CUL5: variants seen among roughly 807,000 people sequenced by gnomAD.
CUL5 encodes the protein cullin 5, also known as cullin-5.
A neutral mutation model predicts 108.8 loss-of-function variants in CUL5; 26 were observed. The ratio of observed to expected loss-of-function variants is 0.24; its 90% confidence interval spans 0.18 to 0.33. The LOEUF (loss-of-function observed/expected upper bound fraction) is 0.33, where lower values mean the gene tolerates loss of function less well. CUL5 is among the 10% of genes least tolerant of loss of function. CUL5 has a pLI of 1.00. For synonymous variants in CUL5, 334 were observed against 298.0 expected (o/e 1.12, Z -1.25); for missense variants, 524 against 909.2 (o/e 0.58, Z 5.45).
At position 108,042,311 on chromosome 11, in the gene CUL5, C is replaced by T. The variant is rs1254523289; in HGVS notation, c.135-3959C>T. On this transcript the variant is annotated intron_variant, in intron 2 of 18. Coordinates refer to ENST00000393094, the MANE Select transcript of CUL5 (RefSeq NM_003478.6). The stretch of plus-strand genomic sequence containing the variant: ...CTCGGCTCACTGCAACCTCCACCCC[C>T]GGGTTCAAGCAATTCTCATGCCTCA... Among the ~76,000 whole-genome samples the T allele has an allele frequency of 4.6e-5, 7 of 151,018 alleles. No individual in the cohort carries two copies. In the East Asian group the frequency reaches 5.9e-4, roughly 13 times the overall value.
chr11:108,063,721 A>G (rs1056187368), intron 7 of CUL5, among the ~76,000 whole-genome samples: 9 of 152,066 alleles, frequency 5.9e-5, no homozygotes, highest in Non-Finnish European at 8.8e-5. Flanking sequence ...CTTTCTTCCT[A>G]TGCTCATTTC....
At chr11:108,016,751 A>G (rs1184774946) in intron 1 of CUL5, among the ~76,000 whole-genome samples, 2 of 152,184 alleles carry the variant, frequency 1.3e-5, no homozygotes, top group Non-Finnish European at 2.9e-5. Context: ...GCTTGAGGCC[A>G]GGAGTTTGAT....
chr11:108,099,052 TA>T (rs1163125464), intron 18 of CUL5, among the ~76,000 whole-genome samples: 2 of 146,044 alleles, frequency 1.4e-5, no homozygotes, highest in African/African-American at 5.0e-5. Context: ...TTGCCCAGGC[TA>T]GAGTGCAGTG....
Position 108,105,986 on chromosome 11 carries a change from A to G in CUL5, c.*1602A>G, listed in dbSNP as rs1170802775. 2 of 152,178 alleles carry G rather than the reference A, an allele frequency of 1.3e-5. No homozygotes were observed. The highest frequency in any genetic ancestry group is 2.9e-5 in the Non-Finnish European group (2 of 68,010). 9.4% of individuals were successfully genotyped at this position (152,178 alleles called of 1,614,324 possible). On this transcript the variant is annotated 3_prime_UTR_variant, in exon 19 of 19. Transcript: ENST00000393094. ...TAAAACATTTAGAGTTTTGCTGAGT[A>G]TAGCCAAATGCCTGTTCTGAAACTT... is the stretch of plus-strand genomic sequence containing the variant.
rs1367069335 is a variant in CUL5 at position 108,102,924 on chromosome 11, T to C, written c.2149-1266T>C. Among the ~76,000 whole-genome samples the C allele has an allele frequency of 2.0e-5, 3 of 151,890 alleles. No homozygotes were observed. In the East Asian group the frequency reaches 5.9e-4, roughly 30 times the overall value. On this transcript the variant is annotated intron_variant, in intron 18 of 18. Coordinates refer to ENST00000393094, the MANE Select transcript of CUL5 (RefSeq NM_003478.6). ...AATCCTCTTTCTTCAGCCTCCTGAA[T>C]AGCGGGGACCACAGACACACGCCAC...
chr11:108,067,455 A>G (rs1407512350), intron 7 of CUL5, among the ~76,000 whole-genome samples: 1 of 131,708 alleles, frequency 7.6e-6, no homozygotes, highest in Admixed American at 8.6e-5. Context: ...TTATTTGTAC[A>G]TATCTGAAAC....
chr11:108,031,500 T>C (rs1862583254), intron 1 of CUL5, among the ~76,000 whole-genome samples: 1 of 152,232 alleles, frequency 6.6e-6, no homozygotes, highest in African/African-American at 2.4e-5. Context: ...CTGGTTTTAC[T>C]TTTCTGCATA....
intron 4 of CUL5, among the ~76,000 whole-genome samples, chr11:108,051,311 C>T (rs1480688988): frequency 6.6e-6 from 1 of 152,140 alleles, no homozygotes; most frequent in Non-Finnish European, 1.5e-5. Context: ...AAGCAGCATC[C>T]ACTTAGTGAT....
At position 108,009,252 on chromosome 11, in the gene CUL5, G is replaced by T; in HGVS notation, c.-97G>T. 1 of 1,384,060 alleles carries T rather than the reference G, an allele frequency of 7.2e-7. No individual in the cohort carries two copies. Among genetic ancestry groups the T allele is most frequent in the Non-Finnish European group, 1.0e-6 (1 of 982,026 alleles). 85.7% of individuals were successfully genotyped at this position (1,384,060 alleles called of 1,614,324 possible). ...ACCACACCCTGGTGCGGGCCGACGG[G>T]CCCTGGGCCCTGGTGGGAGCTCCGG... On this transcript the variant is annotated 5_prime_UTR_variant, in exon 1 of 19. Transcript: ENST00000393094.
intron 1 of CUL5, among the ~76,000 whole-genome samples, chr11:108,024,668 C>G (rs1443245236): frequency 6.6e-6 from 1 of 152,084 alleles, no homozygotes; most frequent in Non-Finnish European, 1.5e-5. Flanking sequence ...GATATTCAAA[C>G]CATTCGTGGA....
chr11:108,075,446 T>C (rs976266698), intron 10 of CUL5, among the ~76,000 whole-genome samples: 1 of 152,130 alleles, frequency 6.6e-6, no homozygotes, highest in Non-Finnish European at 1.5e-5. Flanking sequence ...CAGATACTAA[T>C]AGTGGGAAAA....
At position 108,067,012 on chromosome 11, in the gene CUL5, T is replaced by C. The variant is rs560957807; in HGVS notation, c.781-3084T>C. 2.0e-5 allele frequency among the ~76,000 whole-genome samples: 3 copies of C among 152,328 alleles called. No homozygotes were observed. The South Asian group carries it at 6.2e-4, about 32-fold the overall frequency. Reference sequence around the variant, plus strand: ...GCCATCACTAAGTATGTACATGCTCTACTTCTGTAGTAAGAAAAGTTGGAG... The same window carrying C: ...GCCATCACTAAGTATGTACATGCTCCACTTCTGTAGTAAGAAAAGTTGGAG... On this transcript the variant is annotated intron_variant, in intron 7 of 18. Coordinates refer to ENST00000393094, the MANE Select transcript of CUL5 (RefSeq NM_003478.6).
rs1225550055 is a variant in CUL5 at position 108,054,913 on chromosome 11, A to G, written c.738A>G (p.Leu246=). ...TAAAAGAAGAAGAAAAACGAGCACT[A>G]CGTTATTTAGAAACAAGACGAGAAT... The part of the protein sequence containing the change: ...AKLKEEEKRA[L]RYLETRRECN... Residue 246 remains leucine, a synonymous_variant, in exon 7 of 19, where the codon CTA becomes CTG. Transcript: ENST00000393094. 13 of 1,609,234 alleles carry G rather than the reference A, an allele frequency of 8.1e-6. No individual in the cohort carries two copies. Among genetic ancestry groups the G allele is most frequent in the African/African-American group, 2.7e-5 (2 of 74,748 alleles).
chr11:108,104,568 T>A lies in CUL5; in HGVS notation c.*184T>A. On this transcript the variant is annotated 3_prime_UTR_variant, in exon 19 of 19. Coordinates refer to ENST00000393094, the MANE Select transcript of CUL5 (RefSeq NM_003478.6). Reference sequence around the variant, plus strand: ...ATTAGTTAGCATGATGGCATTCCCTTCATGTTGCACACTCTTTGACAGCAT... The same window carrying A: ...ATTAGTTAGCATGATGGCATTCCCTACATGTTGCACACTCTTTGACAGCAT... 2.2e-6 allele frequency: 1 copy of A among 457,520 alleles called. No homozygotes were observed. The highest frequency in any genetic ancestry group is 2.1e-5 in the African/African-American group (1 of 48,746). The allele number at this position is 457,520 out of a possible 1,614,324, so 28.3% of individuals were successfully genotyped here. A position where few individuals can be genotyped will look rare whatever the true frequency, so the allele number is the denominator to read the frequency against.
In CUL5 at chr11:108,105,603, C is replaced by G. The variant is rs909544729; in HGVS notation, c.*1219C>G. Reference sequence around the variant, plus strand: ...ATTTACCATGTTCCTTTCAGTCTATCCAAAGTAGCAACTTAACTAGTTGCT... The same window carrying G: ...ATTTACCATGTTCCTTTCAGTCTATGCAAAGTAGCAACTTAACTAGTTGCT... On this transcript the variant is annotated 3_prime_UTR_variant, in exon 19 of 19. Coordinates refer to ENST00000393094, the MANE Select transcript of CUL5 (RefSeq NM_003478.6). 1 of 152,006 alleles carries G rather than the reference C, an allele frequency of 6.6e-6. No homozygotes were observed. Among genetic ancestry groups the G allele is most frequent in the Admixed American group, 6.6e-5 (1 of 15,248 alleles). 9.4% of individuals were successfully genotyped at this position (152,006 alleles called of 1,614,324 possible).
intron 18 of CUL5, among the ~76,000 whole-genome samples, chr11:108,101,228 G>T (rs917567874): frequency 2.0e-5 from 3 of 152,192 alleles, no homozygotes. Context: ...TGCATAGGTG[G>T]CATCTGGATA....
chr11:108,029,836 T>C (rs1479058957), intron 1 of CUL5, among the ~76,000 whole-genome samples: 1 of 152,242 alleles, frequency 6.6e-6, no homozygotes, highest in Non-Finnish European at 1.5e-5. Flanking sequence ...AACCAGTGTT[T>C]AATTTATCTC....
At chr11:108,044,349 C>G (rs902941659) in intron 2 of CUL5, among the ~76,000 whole-genome samples, 1 of 151,440 alleles carries the variant, frequency 6.6e-6, no homozygotes, top group Non-Finnish European at 1.5e-5. Context: ...GACCGTGTCT[C>G]TACAAAAAAT....
In CUL5 at chr11:108,032,905, T is replaced by C. The variant is rs111322949; in HGVS notation, c.25-897T>C. On this transcript the variant is annotated intron_variant, in intron 1 of 18. Transcript: ENST00000393094. ...AGTTTACATAGATTTCCAATATACT[T>C]TTTGTGAGTTTAGGACAACTACAAA... Among the ~76,000 whole-genome samples the C allele has an allele frequency of 3.3e-5, 5 of 152,314 alleles. 1 individual carries two copies. The highest frequency in any genetic ancestry group is 1.2e-4 in the African/African-American group (5 of 41,576).
Sources: allele counts gnomAD v4.1 joint callset (sites outside exome capture counted in the v4.1 genomes callset), GRCh38; gene constraint gnomAD v4.1.1; transcripts MANE v1.5; gene names NCBI Gene and HGNC (gene_info 2026-07-23, HGNC 2026-07-21).